KRT10: variants seen among roughly 807,000 people sequenced by gnomAD.
KRT10 encodes keratin, type I cytoskeletal 10.
Under a neutral mutation model 59.2 loss-of-function variants are expected in KRT10, and 40 were observed. The ratio of observed to expected loss-of-function variants is 0.68; its 90% CI spans 0.52 to 0.88. The LOEUF is 0.88. Among genes scored for constraint, KRT10 ranks in the 40% least tolerant of loss-of-function variants. The probability of loss-of-function intolerance (pLI) is 0.00; values close to 1 mark genes in which losing one functional copy is unlikely to be tolerated. For missense variants in KRT10, 719 were observed against 749.1 expected (o/e 0.96, Z 0.47); for synonymous variants, 336 against 310.7 (o/e 1.08, Z -0.86).
chr17:40,819,279 G>A, intron 6 of KRT10, 118 bp from the exon 7 acceptor site: 1 of 1,548,544 alleles, frequency 6.5e-7, no homozygotes, highest in South Asian at 1.2e-5. Flanking sequence ...AACCCTGCCA[G>A]GTATATATTT....
Position 40,822,495 on chromosome 17 carries a change from C to CTCCTCCTCCTCCTCCACA in KRT10, c.73_90dup (p.Cys25_Gly30dup), listed in dbSNP as rs770286635. The CTCCTCCTCCTCCTCCACA allele has an allele frequency of 1.7e-5, 28 of 1,606,636 alleles. No individual in the cohort carries two copies. The African/African-American group carries it at 2.7e-4, about 15-fold the overall frequency. On this transcript the variant is annotated inframe_insertion, in exon 1 of 8. Coordinates refer to ENST00000269576, the MANE Select transcript of KRT10 (RefSeq NM_000421.5). ...CTGCTAGAAATTCTTAGGGATGACA[C>CTCCTCCTCCTCCTCCACA]TCCTCCTCCTCCTCCACATCCTCCT...
intron 7 of KRT10, 115 bp from the exon 8 acceptor site, chr17:40,818,597 A>T: frequency 7.9e-7 from 1 of 1,263,020 alleles, no homozygotes; most frequent in South Asian, 1.3e-5. Flanking sequence ...GCCCAAAAAA[A>T]TGCTTAAGGT....
chr17:40,819,079 C>A lies in KRT10; in HGVS notation c.1456G>T (p.Gly486Cys). The A allele has an allele frequency of 1.6e-6, 2 of 1,237,204 alleles. No individual in the cohort carries two copies. Among genetic ancestry groups the A allele is most frequent in the South Asian group, 1.5e-5 (1 of 66,204 alleles). The allele number at this position is 1,237,204 out of a possible 1,614,324, so 76.6% of individuals were successfully genotyped here. The change falls in exon 7 of 8, where the codon GGC becomes TGC. Residue 486 changes from glycine to cysteine, a missense_variant. Gly to Cys is a radical substitution (Grantham distance 159). This residue lies in a region of KRT10 where 315 missense variants were observed against 270.6 expected (regional missense o/e 1.16). Transcript: ENST00000269576. ...CTGCCGCCGTGGCCGCCGCCGTGGC[C>A]GCCGCCGGAGCTTCCGCCGCCGGAG... ...GSSGGGSSGG[G>C]HGGGHGGSSG...
chr17:40,822,123 C>A lies in KRT10; in HGVS notation c.463G>T (p.Asp155Tyr). ...NEKVTMQNLN[D>Y]RLASYLDKVR... Reference sequence around the variant, plus strand: ...TTGTCCAAGTAGGAAGCCAGGCGGTCATTCAGATTCTGCATGGTTACTTTT... The same window carrying A: ...TTGTCCAAGTAGGAAGCCAGGCGGTAATTCAGATTCTGCATGGTTACTTTT... Residue 155 changes from aspartate to tyrosine, a missense_variant, in exon 1 of 8, where the codon GAC becomes TAC. Asp to Tyr is a radical substitution (Grantham distance 160). This residue lies in a region of KRT10 where 7 missense variants were observed against 24.9 expected (regional missense o/e 0.28). Transcript: ENST00000269576. 6.2e-7 allele frequency: 1 copy of A among 1,614,026 alleles called. No homozygotes were observed. Among genetic ancestry groups the A allele is most frequent in the Non-Finnish European group, 8.5e-7 (1 of 1,179,992 alleles).
Position 40,818,963 on chromosome 17 carries a change from GCCGCCGTGGCCGCCGCTGGAGCTT to G in KRT10, c.1548_1571del (p.His522_Gly529del), listed in dbSNP as rs1905194307. ...CACCACCGTAGCCGCCGCTGGAACT[GCCGCCGTGGCCGCCGCTGGAGCTT>G]CCGCCCCCGTAGCCGCCGCCGGAGC... On this transcript the variant is annotated inframe_deletion, in exon 7 of 8. Transcript: ENST00000269576. The G allele has an allele frequency of 1.5e-6, 2 of 1,361,954 alleles. No individual in the cohort carries two copies. Among genetic ancestry groups the G allele is most frequent in the Non-Finnish European group, 1.9e-6 (2 of 1,059,488 alleles). 84.4% of individuals were successfully genotyped at this position (1,361,954 alleles called of 1,614,324 possible). A position where few individuals can be genotyped will look rare whatever the true frequency, so the allele number is the denominator to read the frequency against.
chr17:40,819,106 TTCCGCCGCCGTA>T lies in KRT10; in HGVS notation c.1417_1428del (p.Tyr473_Gly476del), dbSNP rs1905221874. On this transcript the variant is annotated inframe_deletion, in exon 7 of 8. Coordinates refer to ENST00000269576, the MANE Select transcript of KRT10 (RefSeq NM_000421.5). ...CCGCCGGAGCTTCCGCCGCCGGAGC[TTCCGCCGCCGTA>T]GCCGCCGCCGAAACTTCCGCCGCCG... 2.0e-6 allele frequency: 3 copies of T among 1,479,152 alleles called. No individual in the cohort carries two copies. Among genetic ancestry groups the T allele is most frequent in the East Asian group, 2.9e-5 (1 of 34,614 alleles). 91.6% of individuals were successfully genotyped at this position (1,479,152 alleles called of 1,614,324 possible).
Position 40,818,385 on chromosome 17 carries a change from G to C in KRT10, c.*91C>G. ...TTCCTCTTGATGCAGTTTAATAGTA[G>C]TGTTTCTTGGTTTCTGATTCAACCA... On this transcript the variant is annotated 3_prime_UTR_variant, in exon 8 of 8. Transcript: ENST00000269576. 6.3e-7 allele frequency: 1 copy of C among 1,582,042 alleles called. No individual in the cohort carries two copies.
chr17:40,820,928 G>T lies in KRT10; in HGVS notation c.710+107C>A. 3 of 989,880 alleles carry T rather than the reference G, an allele frequency of 3.0e-6. 1 individual carries two copies. The highest frequency in any genetic ancestry group is 4.7e-6 in the Non-Finnish European group (3 of 635,518). 61.3% of individuals were successfully genotyped at this position (989,880 alleles called of 1,614,324 possible). On this transcript the variant is annotated intron_variant, in intron 2 of 7. Transcript: ENST00000269576. The stretch of plus-strand genomic sequence containing the variant: ...GATAACTCCAATACTATTTAACTTT[G>T]GGTGAATTCAGAAAAATGTAAATGT...
chr17:40,819,119 GCCGCCGCCGAAACTT>G lies in KRT10; in HGVS notation c.1401_1415del (p.Ser468_Gly472del). 6.6e-7 allele frequency: 1 copy of G among 1,524,002 alleles called. No individual in the cohort carries two copies. The highest frequency in any genetic ancestry group is 8.7e-7 in the Non-Finnish European group (1 of 1,145,450). The allele number at this position is 1,524,002 out of a possible 1,614,324, so 94.4% of individuals were successfully genotyped here. A position where few individuals can be genotyped will look rare whatever the true frequency, so the allele number is the denominator to read the frequency against. ...CGCCGCCGGAGCTTCCGCCGCCGTA[GCCGCCGCCGAAACTT>G]CCGCCGCCGCGTCCGCCGCCTCCGG... On this transcript the variant is annotated inframe_deletion, in exon 7 of 8. Transcript: ENST00000269576.
intron 7 of KRT10, 128 bp downstream of exon 7, chr17:40,818,659 G>T: frequency 6.7e-7 from 1 of 1,483,556 alleles, no homozygotes; most frequent in Non-Finnish European, 9.2e-7. Flanking sequence ...AGTAGTTTGT[G>T]AACAAATGCA....
intron 6 of KRT10, 165 bp from the exon 7 acceptor site, chr17:40,819,326 G>T: frequency 7.0e-7 from 1 of 1,434,610 alleles, no homozygotes; most frequent in Non-Finnish European, 9.4e-7. Flanking sequence ...TAAGTTCACA[G>T]AACTCTTAAG....
At chr17:40,820,754 G>A (rs769212166) in intron 2 of KRT10, 87 bp from the exon 3 acceptor site, 4 of 1,388,754 alleles carry the variant, frequency 2.9e-6, no homozygotes, top group Non-Finnish European at 4.1e-6. Context: ...CAGCTACATA[G>A]TTGATCTCAT....
In KRT10 at chr17:40,821,077, T is replaced by C; in HGVS notation, c.668A>G (p.Gln223Arg). The C allele has an allele frequency of 6.2e-7, 1 of 1,614,060 alleles. No homozygotes were observed. The highest frequency in any genetic ancestry group is 8.5e-7 in the Non-Finnish European group (1 of 1,179,910). ...AGCTGCCAGCCTGGCATTGTCGATC[T>C]GAAGCAGGATGTTGGCATTATCAGT... is the stretch of plus-strand genomic sequence containing the variant. The part of the protein sequence containing the change: ...LTTDNANILL[Q>R]IDNARLAADD... Residue 223 changes from glutamine to arginine, a missense_variant, in exon 2 of 8, where the codon CAG becomes CGG. Around this residue, in one of 4 missense-constraint regions of KRT10, gnomAD observed 221 missense variants for 277.8 expected, o/e 0.80. Coordinates refer to ENST00000269576, the MANE Select transcript of KRT10 (RefSeq NM_000421.5).
In KRT10 at chr17:40,819,614, C is replaced by T. The variant is rs1409868625; in HGVS notation, c.1276G>A (p.Glu426Lys). 8.7e-6 allele frequency: 14 copies of T among 1,614,182 alleles called. No individual in the cohort carries two copies. The highest frequency in any genetic ancestry group is 1.3e-5 in the African/African-American group (1 of 75,068). Residue 426 changes from glutamate (E) to lysine (K), a missense_variant, in exon 6 of 8, where the codon GAG becomes AAG. By Grantham distance (56) the Glu-to-Lys change is moderately conservative. Transcript: ENST00000269576. ...EQLQQIRAET[E>K]CQNTEYQQLL... is the part of the protein sequence containing the mutation. ...TGTTGGTATTCAGTATTCTGGCACTCGGTTTCAGCTCGAATCTGTTGCAAC... is the reference window on the plus strand; with the variant it reads ...TGTTGGTATTCAGTATTCTGGCACTTGGTTTCAGCTCGAATCTGTTGCAAC...
chr17:40,821,229 A>C (rs991480829), intron 1 of KRT10, 112 bp from the exon 2 acceptor site: 1 of 775,954 alleles, frequency 1.3e-6, no homozygotes. Context: ...ATCTTGGGAA[A>C]ATTTTTTATT....
chr17:40,821,060 G>A lies in KRT10; in HGVS notation c.685C>T (p.Leu229=), dbSNP rs371503347. 1 of 1,613,766 alleles carries A rather than the reference G, an allele frequency of 6.2e-7. No homozygotes were observed. The highest frequency in any genetic ancestry group is 8.5e-7 in the Non-Finnish European group (1 of 1,179,766). ...NILLQIDNAR[L]AADDFRLKYE... Reference sequence around the variant, plus strand: ...TTCAGCCTGAAGTCATCAGCTGCCAGCCTGGCATTGTCGATCTGAAGCAGG... The same window carrying A: ...TTCAGCCTGAAGTCATCAGCTGCCAACCTGGCATTGTCGATCTGAAGCAGG... The change falls in exon 2 of 8, where the codon CTG becomes TTG. Residue 229 remains leucine, a synonymous_variant. Coordinates refer to ENST00000269576, the MANE Select transcript of KRT10 (RefSeq NM_000421.5).
chr17:40,819,768 C>A, intron 5 of KRT10, 34 bp from the exon 6 acceptor site: 2 of 1,552,180 alleles, frequency 1.3e-6, no homozygotes, highest in East Asian at 4.5e-5. Flanking sequence ...TAGTGACTTC[C>A]TTGTTCAGTT....
Position 40,822,386 on chromosome 17 carries a change from A to C in KRT10, c.200T>G (p.Phe67Cys). 6.2e-7 allele frequency: 1 copy of C among 1,610,288 alleles called. No individual in the cohort carries two copies. Among genetic ancestry groups the C allele is most frequent in the Non-Finnish European group, 8.5e-7 (1 of 1,177,896 alleles). ...TCCATAGCCACCTGATGAGCCCCCA[A>C]AGCAGCCCCCACCAGAGCTCCCACG... The part of the protein sequence containing the change: ...FSRGSSGGGC[F>C]GGSSGGYGGL... The change falls in exon 1 of 8, where the codon TTT becomes TGT. Residue 67 changes from phenylalanine to cysteine, a missense_variant. Physicochemically the swap from Phe to Cys is radical, Grantham distance 205. Transcript: ENST00000269576.
At position 40,820,190 on chromosome 17, in the gene KRT10, C is replaced by T; in HGVS notation, c.1030-16G>A. 6.2e-7 allele frequency: 1 copy of T among 1,614,000 alleles called. No homozygotes were observed. Among genetic ancestry groups the T allele is most frequent in the Non-Finnish European group, 8.5e-7 (1 of 1,179,956 alleles). ...GTTCCTTGCTCTAGAGTATTAAAAA[C>T]AAGGAAAAGGGTGAGGAAATTCTGA... On this transcript the variant is annotated splice_polypyrimidine_tract_variant and intron_variant, in intron 4 of 7. Coordinates refer to ENST00000269576, the MANE Select transcript of KRT10 (RefSeq NM_000421.5).
Sources: allele counts gnomAD v4.1 joint callset, GRCh38; gene constraint gnomAD v4.1.1; regional missense constraint gnomAD v4.1.1; transcripts MANE v1.5; gene names NCBI Gene and HGNC (gene_info 2026-07-23, HGNC 2026-07-21).